Variants in PSMF1 observed in about 807,000 individuals in gnomAD.
PSMF1 encodes the protein proteasome inhibitor PI31 subunit.
A neutral mutation model predicts 29.3 loss-of-function variants in PSMF1; 30 were observed. The observed-to-expected ratio is 1.02, with a 90% CI of 0.77 to 1.39. The LOEUF (loss-of-function observed/expected upper bound fraction) is 1.39, where lower values mean the gene tolerates loss of function less well. PSMF1 is among the 40% of genes most tolerant of loss of function. The pLI is 0.00. For missense variants in PSMF1, 344 were observed against 357.5 expected, an observed-to-expected ratio of 0.96 and a Z score of 0.31; for synonymous variants, 134 against 139.7, an observed-to-expected ratio of 0.96 and a Z score of 0.29.
chr20:1,116,118 T>C (rs575317868), upstream of PSMF1, among the ~76,000 whole-genome samples: 32 of 152,012 alleles, frequency 2.1e-4, no homozygotes, highest in South Asian at 6.6e-3. Flanking sequence ...AGTAGGCACT[T>C]AGGAATGGGC....
chr20:1,164,975 T>C lies in PSMF1; in HGVS notation c.765-54T>C. The C allele has an allele frequency of 1.3e-6, 2 of 1,483,614 alleles. No individual in the cohort carries two copies. The highest frequency in any genetic ancestry group is 1.9e-6 in the Non-Finnish European group (2 of 1,061,452). The allele number at this position is 1,483,614 out of a possible 1,614,324, so 91.9% of individuals were successfully genotyped here. ...CTCAGTGCAGGGTCATGTCTGCCCATGTTCCCCTGGTCTCTCCATCACTCC... is the reference window on the plus strand; with the variant it reads ...CTCAGTGCAGGGTCATGTCTGCCCACGTTCCCCTGGTCTCTCCATCACTCC... On this transcript the variant is annotated intron_variant, in intron 6 of 6. Coordinates refer to ENST00000335877, the MANE Select transcript of PSMF1 (RefSeq NM_006814.5). This position sits in a 1 kb window ranked among gnomAD's most constrained non-coding sequence, Gnocchi z 4.1.
chr20:1,128,193 A>C (rs2122479150), intron 3 of PSMF1, among the ~76,000 whole-genome samples: 1 of 152,294 alleles, frequency 6.6e-6, no homozygotes, highest in Middle Eastern at 3.4e-3. Context: ...TGATCTTTTG[A>C]CTGTCTCCAT....
rs1568488605 is a variant in PSMF1, at chr20:1,169,809, C to T, written c.*4729C>T. Among the ~76,000 whole-genome samples, 1 of 152,198 alleles carries T rather than the reference C, an allele frequency of 6.6e-6. No individual in the cohort carries two copies. The highest frequency in any genetic ancestry group is 1.5e-5 in the Non-Finnish European group (1 of 68,044). ...AACCTACATGGCCTCTCAAATGGTACTGGCATGGAATATTGGGGAGATGTC... is the reference window on the plus strand; with the variant it reads ...AACCTACATGGCCTCTCAAATGGTATTGGCATGGAATATTGGGGAGATGTC... On this transcript the variant is annotated 3_prime_UTR_variant, in exon 7 of 7. Transcript: ENST00000335877.
rs1369519614 is a variant in PSMF1 at position 1,168,755 on chromosome 20, CCT to C, written c.*3680_*3681del. ...AATAACATTCTATTAATGATCCATG[CCT>C]CTCTTCACAGGAGGAATATTAGAAT... On this transcript the variant is annotated 3_prime_UTR_variant, in exon 7 of 7. Transcript: ENST00000335877. Among the ~76,000 whole-genome samples the C allele has an allele frequency of 1.5e-4, 23 of 152,174 alleles. No individual in the cohort carries two copies. Among genetic ancestry groups the C allele is most frequent in the Admixed American group, 1.0e-3 (16 of 15,282 alleles).
At chr20:1,133,333 G>T (rs751873997) in intron 3 of PSMF1, among the ~76,000 whole-genome samples, 3 of 150,492 alleles carry the variant, frequency 2.0e-5, no homozygotes, top group African/African-American at 7.3e-5. Flanking sequence ...GCTTTTTTCT[G>T]TATCAATTGA....
chr20:1,163,438 T>G lies in PSMF1; in HGVS notation c.605+255T>G, dbSNP rs529319844. Among the ~76,000 whole-genome samples, 8 of 152,298 alleles carry G rather than the reference T, an allele frequency of 5.3e-5. No individual in the cohort carries two copies. The East Asian group carries it at 1.5e-3, about 29-fold the overall frequency. ...CTCTTCTGCCATTTCCCGGTCCCCCTGCCCACCCTAGTTTATCAGATGTAT... is the reference window on the plus strand; with the variant it reads ...CTCTTCTGCCATTTCCCGGTCCCCCGGCCCACCCTAGTTTATCAGATGTAT... On this transcript the variant is annotated intron_variant, in intron 5 of 6. Transcript: ENST00000335877. The surrounding 1 kb of genome is among the most constrained non-coding windows in gnomAD (Gnocchi z 6.1).
Position 1,118,657 on chromosome 20 carries a change from C to T in PSMF1, c.-117C>T, listed in dbSNP as rs142307914. On this transcript the variant is annotated 5_prime_UTR_variant, in exon 1 of 7. Coordinates refer to ENST00000335877, the MANE Select transcript of PSMF1 (RefSeq NM_006814.5). Reference sequence around the variant, plus strand: ...TCTCCATTTTGGTCTCAGGTGTGGACTCGGCAAGAACCAGCGCAAGAGGGA... The same window carrying T: ...TCTCCATTTTGGTCTCAGGTGTGGATTCGGCAAGAACCAGCGCAAGAGGGA... 3.9e-6 allele frequency: 5 copies of T among 1,297,948 alleles called. No homozygotes were observed. Among genetic ancestry groups the T allele is most frequent in the Non-Finnish European group, 3.1e-6 (3 of 969,430 alleles). The allele number at this position is 1,297,948 out of a possible 1,614,324, so 80.4% of individuals were successfully genotyped here.
At chr20:1,125,701 C>G (rs1315977989) in intron 2 of PSMF1, 51 bp downstream of exon 2, 4 of 1,577,370 alleles carry the variant, frequency 2.5e-6, no homozygotes, top group Admixed American at 3.6e-5. Context: ...ATAGGAATGG[C>G]TGTTTTGAAA....
Position 1,132,903 on chromosome 20 carries a change from G to C in PSMF1, c.366-2218G>C, listed in dbSNP as rs551518680. ...ATTGTTAGTGTGTAGAAATGTAGTT[G>C]ATTTTCCTGTGTTGAACTCTTCTAT... On this transcript the variant is annotated intron_variant, in intron 3 of 6. Transcript: ENST00000335877. 2.0e-5 allele frequency among the ~76,000 whole-genome samples: 3 copies of C among 149,536 alleles called. No individual in the cohort carries two copies. The South Asian group carries it at 6.3e-4, about 31-fold the overall frequency.
At chr20:1,155,155 AG>A (rs1230753899) in intron 4 of PSMF1, among the ~76,000 whole-genome samples, 1 of 152,234 alleles carries the variant, frequency 6.6e-6, no homozygotes. Flanking sequence ...GTCCAAATTC[AG>A]GGAAACCCAA....
intron 2 of PSMF1, 63 bp from the exon 3 acceptor site, chr20:1,127,363 T>G (rs767240003): frequency 7.8e-7 from 1 of 1,276,056 alleles, no homozygotes; most frequent in East Asian, 2.3e-5. Flanking sequence ...TTACTCTCCC[T>G]TCACCCTCCC....
intron 4 of PSMF1, among the ~76,000 whole-genome samples, chr20:1,139,728 G>A (rs1372158999): frequency 1.5e-5 from 2 of 133,728 alleles, no homozygotes; most frequent in Non-Finnish European, 3.2e-5. Context: ...CTGGGCAACA[G>A]AGCGAGACTC....
chr20:1,127,707 C>G (rs914987566), intron 3 of PSMF1, among the ~76,000 whole-genome samples, 199 bp downstream of exon 3: 11 of 152,262 alleles, frequency 7.2e-5, no homozygotes, highest in Non-Finnish European at 1.5e-4. Context: ...CCACATGAAA[C>G]AAGATGGTGC....
chr20:1,120,078 C>G (rs536881090), intron 1 of PSMF1, among the ~76,000 whole-genome samples: 1 of 152,094 alleles, frequency 6.6e-6, no homozygotes. Flanking sequence ...TTTCCCCCAC[C>G]CCTCACTGCT....
intron 4 of PSMF1, among the ~76,000 whole-genome samples, chr20:1,159,677 T>G (rs139675294): frequency 2.1e-3 from 319 of 152,328 alleles, no homozygotes; most frequent in Middle Eastern, 0.014. Flanking sequence ...TGGCACCACC[T>G]GGTCTGCCTC....
intron 4 of PSMF1, among the ~76,000 whole-genome samples, chr20:1,136,404 C>T (rs2086307204): frequency 6.6e-6 from 1 of 152,074 alleles, no homozygotes; most frequent in Non-Finnish European, 1.5e-5. Context: ...AAGAATAAGC[C>T]CTGGTCAGAA....
rs546786623 is a variant in PSMF1, at chr20:1,164,935, T to G, written c.765-94T>G. 2 of 1,116,158 alleles carry G rather than the reference T, an allele frequency of 1.8e-6. No individual in the cohort carries two copies. Among genetic ancestry groups the G allele is most frequent in the East Asian group, 4.8e-5 (2 of 42,074 alleles). The allele number at this position is 1,116,158 out of a possible 1,614,324, so 69.1% of individuals were successfully genotyped here. On this transcript the variant is annotated intron_variant, in intron 6 of 6. Coordinates refer to ENST00000335877, the MANE Select transcript of PSMF1 (RefSeq NM_006814.5). The surrounding 1 kb of genome is among the most constrained non-coding windows in gnomAD (Gnocchi z 4.1). ...AATTCCTCACACCGCCACATCATGT[T>G]GAAGGGCAGGCTCCCTCAGTGCAGG...
At chr20:1,152,018 G>A in intron 4 of PSMF1, among the ~76,000 whole-genome samples, 1 of 152,120 alleles carries the variant, frequency 6.6e-6, no homozygotes, top group East Asian at 1.9e-4. Flanking sequence ...ATGGGGTGAT[G>A]GGAGCCATCA....
Position 1,165,058 on chromosome 20 carries a change from G to A in PSMF1, c.794G>A (p.Gly265Asp), listed in dbSNP as rs1600178128. ...AACCCAGACCATCTCCCCCCGCCGG[G>A]CTACGATGACATGTACCTGTGAAGG... ...GPNPDHLPPP[G>D]YDDMYL is the part of the protein sequence containing the mutation. Residue 265 changes from glycine (G) to aspartate (D), a missense_variant, in exon 7 of 7, where the codon GGC becomes GAC. Coordinates refer to ENST00000335877, the MANE Select transcript of PSMF1 (RefSeq NM_006814.5). 2 of 1,614,048 alleles carry A rather than the reference G, an allele frequency of 1.2e-6. No individual in the cohort carries two copies. Among genetic ancestry groups the A allele is most frequent in the Non-Finnish European group, 1.7e-6 (2 of 1,180,016 alleles).
Sources: gnomAD v4.1 joint callset for allele counts (sites outside exome capture counted in the v4.1 genomes callset) on GRCh38, gnomAD v4.1.1 for gene constraint, Gnocchi (gnomAD v3.1) non-coding constraint, MANE v1.5 for transcripts, NCBI Gene and HGNC (gene_info 2026-07-23, HGNC 2026-07-21) for gene names.